RALYL: variants seen among roughly 807,000 people sequenced by gnomAD.
RALYL encodes RNA-binding Raly-like protein.
A neutral mutation model predicts 35.1 loss-of-function variants in RALYL; 29 were observed. The ratio of observed to expected loss-of-function variants is 0.83; its 90% CI spans 0.61 to 1.13. The LOEUF is 1.13. Among genes scored for constraint, RALYL ranks in the 50% most tolerant of loss-of-function variants. The pLI, the probability that RALYL is intolerant of heterozygous loss-of-function variation, is 0.00. For missense variants in RALYL, 359 were observed against 360.4 expected (o/e 1.00, Z 0.03); for synonymous variants, 120 against 127.6 (o/e 0.94, Z 0.40).
At chr8:84,185,251 T>C in intron 1 of RALYL, 1 of 567,006 alleles carries the variant, frequency 1.8e-6, no homozygotes. Flanking sequence ...AAAAATGCCT[T>C]TTATTTAAAT....
At chr8:84,443,310 G>A (rs2048524051) in intron 1 of RALYL, among the ~76,000 whole-genome samples, 1 of 152,044 alleles carries the variant, frequency 6.6e-6, no homozygotes, top group African/African-American at 2.4e-5. Flanking sequence ...GTAACTGTTT[G>A]GATTAGGGAA....
In RALYL at chr8:84,192,845, C is replaced by T. The variant is rs74541472; in HGVS notation, c.-24+8421C>T. ...TGCTGGAATCACCGTGCCCAGCCCG[C>T]AACTGAATTTCTTATGAGTCATCAA... On this transcript the variant is annotated intron_variant, in intron 1 of 8. Coordinates refer to ENST00000521268, the MANE Select transcript of RALYL (RefSeq NM_173848.7). Among the ~76,000 whole-genome samples, 1,282 of 138,036 alleles carry T rather than the reference C, an allele frequency of 9.3e-3. 21 individuals carry two copies. Among genetic ancestry groups the T allele is most frequent in the African/African-American group, 0.034 (1,215 of 35,446 alleles). The allele number at this position is 138,036 out of a possible 152,430, so 90.6% of individuals were successfully genotyped here.
chr8:84,831,595 AT>A (rs1830939678), intron 4 of RALYL, among the ~76,000 whole-genome samples: 1 of 152,162 alleles, frequency 6.6e-6, no homozygotes, highest in Non-Finnish European at 1.5e-5. Context: ...GGTTAAAGTG[AT>A]TCACTGAAAA....
chr8:84,319,482 AAAG>A (rs1169718786), intron 1 of RALYL, among the ~76,000 whole-genome samples: 1 of 152,108 alleles, frequency 6.6e-6, no homozygotes, highest in East Asian at 1.9e-4. Flanking sequence ...CTCCTATCAA[AAAG>A]AAGACTAGTT....
chr8:84,584,464 A>C (rs748886990), intron 2 of RALYL, among the ~76,000 whole-genome samples: 31 of 152,054 alleles, frequency 2.0e-4, no homozygotes, highest in Non-Finnish European at 3.7e-4. Context: ...TTAGCCAGGC[A>C]TGGTGGCGTG....
At chr8:84,894,990 G>T (rs1563825359) in intron 8 of RALYL, among the ~76,000 whole-genome samples, 2 of 152,142 alleles carry the variant, frequency 1.3e-5, no homozygotes, top group Non-Finnish European at 2.9e-5. Context: ...CTATAAAAGA[G>T]GGTTGACAAT....
chr8:84,502,990 C>T (rs898860924), intron 1 of RALYL, among the ~76,000 whole-genome samples: 10 of 150,416 alleles, frequency 6.6e-5, no homozygotes, highest in African/African-American at 1.5e-4. Context: ...AGGAAAAATA[C>T]TGGAGAATCA....
At chr8:84,725,673 TGA>T (rs1489978070) in intron 2 of RALYL, among the ~76,000 whole-genome samples, 1 of 151,682 alleles carries the variant, frequency 6.6e-6, no homozygotes, top group Non-Finnish European at 1.5e-5. Context: ...TTTAGAAATA[TGA>T]GTTATTAGTA....
chr8:84,584,792 C>G (rs1003217404), intron 2 of RALYL, among the ~76,000 whole-genome samples: 1 of 151,938 alleles, frequency 6.6e-6, no homozygotes, highest in African/African-American at 2.4e-5. Context: ...TGTGGGATCC[C>G]TAAGTTGAGA....
chr8:84,409,321 A>G (rs1428874451), intron 1 of RALYL, among the ~76,000 whole-genome samples: 1 of 152,072 alleles, frequency 6.6e-6, no homozygotes, highest in Non-Finnish European at 1.5e-5. Flanking sequence ...ATAAGTGAAA[A>G]TTAACACTAA....
chr8:84,348,602 C>T (rs559805205), intron 1 of RALYL, among the ~76,000 whole-genome samples: 2 of 152,158 alleles, frequency 1.3e-5, no homozygotes. Flanking sequence ...CCACCAGGAA[C>T]AATTACTGCT....
chr8:84,209,125 C>CAA (rs60246316), intron 1 of RALYL, among the ~76,000 whole-genome samples: 4,935 of 97,434 alleles, frequency 0.051, 100 homozygotes, highest in Non-Finnish European at 0.064. Context: ...ACTCCTCCAC[C>CAA]AAAAAAAAAA....
At chr8:84,378,300 A>G (rs1857315233) in intron 1 of RALYL, among the ~76,000 whole-genome samples, 1 of 151,880 alleles carries the variant, frequency 6.6e-6, no homozygotes, top group South Asian at 2.1e-4. Context: ...AAGATTGGGC[A>G]TGGCTTGCTA....
At chr8:84,682,008 C>T (rs1415662597) in intron 2 of RALYL, among the ~76,000 whole-genome samples, 5 of 152,072 alleles carry the variant, frequency 3.3e-5, no homozygotes, top group East Asian at 1.9e-4. Context: ...TTTTGAGATA[C>T]GTCCCATCAA....
Position 84,307,028 on chromosome 8 carries a change from C to G in RALYL, c.-24+122604C>G, listed in dbSNP as rs148233464. Among the ~76,000 whole-genome samples the G allele has an allele frequency of 1.1e-4, 16 of 152,246 alleles. No individual in the cohort carries two copies. In the East Asian group the frequency reaches 3.1e-3, roughly 30 times the overall value. ...AGTTCTACCACACAGAGTATGTGAA[C>G]AAGGCAGGCTTATATAACTCCTTTA... On this transcript the variant is annotated intron_variant, in intron 1 of 8. Transcript: ENST00000521268.
At chr8:84,262,035 C>T (rs1357426146) in intron 1 of RALYL, among the ~76,000 whole-genome samples, 2 of 152,090 alleles carry the variant, frequency 1.3e-5, no homozygotes, top group Non-Finnish European at 2.9e-5. Flanking sequence ...TCTTCTACAT[C>T]ACTACCATAC....
chr8:84,786,728 A>G (rs1749643706), intron 3 of RALYL, among the ~76,000 whole-genome samples: 1 of 152,166 alleles, frequency 6.6e-6, no homozygotes, highest in Admixed American at 6.5e-5. Flanking sequence ...TCTAGATATT[A>G]GACCTTTGTC....
chr8:84,286,578 A>T (rs985050407), intron 1 of RALYL, among the ~76,000 whole-genome samples: 26 of 152,168 alleles, frequency 1.7e-4, no homozygotes, highest in Admixed American at 1.7e-3. Flanking sequence ...AAATTCTTGG[A>T]TGGCTTGTAG....
At chr8:84,489,516 A>G (rs1173269343) in intron 1 of RALYL, among the ~76,000 whole-genome samples, 12 of 152,106 alleles carry the variant, frequency 7.9e-5, no homozygotes. Flanking sequence ...TTGGGATTCA[A>G]ACCTAAGACA....
Sources: allele counts gnomAD v4.1 joint callset (sites outside exome capture counted in the v4.1 genomes callset), GRCh38; gene constraint gnomAD v4.1.1; transcripts MANE v1.5; gene names NCBI Gene and HGNC (gene_info 2026-07-23, HGNC 2026-07-21).